The following ZNF257 variants were observed in gnomAD, a reference collection of about 807,000 sequenced individuals.
ZNF257 encodes the protein zinc finger protein 257, also known as bone marrow zinc finger 4.
Under a neutral mutation model 11.9 loss-of-function variants are expected in ZNF257, and 12 were observed. The observed-to-expected ratio is 1.01, with a 90% CI of 0.65 to 1.63. ZNF257 has a LOEUF of 1.63. Ranked by LOEUF, ZNF257 falls within the 40% of genes most tolerant of loss-of-function variation. The pLI, the probability that ZNF257 is intolerant of heterozygous loss-of-function variation, is 0.00. For missense variants in ZNF257, 580 were observed against 665.5 expected, an observed-to-expected ratio of 0.87 and a Z score of 1.41; for synonymous variants, 183 against 222.7, an observed-to-expected ratio of 0.82 and a Z score of 1.59.
Position 22,072,979 on chromosome 19 carries a change from CTTTA to C in ZNF257, c.130+48_130+51del. The C allele has an allele frequency of 2.0e-6, 3 of 1,474,454 alleles. No individual in the cohort carries two copies. In the African/African-American group the frequency reaches 5.4e-5, roughly 26 times the overall value. 91.3% of individuals were successfully genotyped at this position (1,474,454 alleles called of 1,614,324 possible). ...CTCAATTCCTAATATACTCCAAAGGCTTTATTTTTTATTTATTTTTTTTTTTGTA... is the reference window on the plus strand; with the variant it reads ...CTCAATTCCTAATATACTCCAAAGGCTTTTTTATTTATTTTTTTTTTTGTA... On this transcript the variant is annotated intron_variant, in intron 2 of 3. Transcript: ENST00000594947.
At chr19:22,058,900 G>GTT (rs150247642) in intron 1 of ZNF257, among the ~76,000 whole-genome samples, 164 of 150,722 alleles carry the variant, frequency 1.1e-3, no homozygotes, top group East Asian at 5.9e-4. Context: ...TTATCCTAAT[G>GTT]TTTTTTTTTG....
At chr19:22,062,662 A>G (rs982574987) in intron 1 of ZNF257, among the ~76,000 whole-genome samples, 1 of 151,684 alleles carries the variant, frequency 6.6e-6, no homozygotes, top group Admixed American at 6.6e-5. Flanking sequence ...TTGTATTTTT[A>G]GTAGAGATGG....
chr19:22,062,623 C>CA (rs1389679207), intron 1 of ZNF257, among the ~76,000 whole-genome samples: 1 of 151,958 alleles, frequency 6.6e-6, no homozygotes, highest in African/African-American at 2.4e-5. Context: ...GCTGGGATTA[C>CA]AGGCATGCGC....
In ZNF257 at chr19:22,089,705, A is replaced by G. The variant is rs2022585214; in HGVS notation, c.*263A>G. 1.3e-6 allele frequency: 1 copy of G among 777,958 alleles called. No individual in the cohort carries two copies. The highest frequency in any genetic ancestry group is 1.9e-6 in the Non-Finnish European group (1 of 537,972). The allele number at this position is 777,958 out of a possible 1,614,324, so 48.2% of individuals were successfully genotyped here. ...AGAACACATGTGGAAGATAAAGCCT[A>G]CAAATATGAAGAATGTGACAAGGCC... On this transcript the variant is annotated 3_prime_UTR_variant, in exon 4 of 4. Transcript: ENST00000594947.
chr19:22,057,487 G>T (rs2021675355), intron 1 of ZNF257, among the ~76,000 whole-genome samples: 1 of 149,172 alleles, frequency 6.7e-6, no homozygotes, highest in African/African-American at 2.5e-5. Flanking sequence ...ACAGGCAGAT[G>T]CAGTTAAGGT....
intron 3 of ZNF257, among the ~76,000 whole-genome samples, chr19:22,086,712 AT>A (rs1414382668): frequency 2.0e-5 from 3 of 151,172 alleles, no homozygotes; most frequent in South Asian, 2.1e-4. Context: ...ACCTGACAGC[AT>A]TTTTTCTTCA....
At chr19:22,079,030 G>T (rs576498744) in intron 3 of ZNF257, among the ~76,000 whole-genome samples, 13 of 152,216 alleles carry the variant, frequency 8.5e-5, no homozygotes, top group African/African-American at 3.1e-4. Context: ...GACCTCAGGT[G>T]ATCTACCTGC....
At chr19:22,052,710 G>A (rs1971731470) in intron 1 of ZNF257, 75 bp downstream of exon 1, 8 of 1,566,562 alleles carry the variant, frequency 5.1e-6, no homozygotes, top group Admixed American at 5.1e-5. Context: ...GCTGTGGCGG[G>A]ACTCAGGCCT....
chr19:22,073,526 G>A lies in ZNF257; in HGVS notation c.188G>A (p.Cys63Tyr). The change falls in exon 3 of 4, where the codon TGT (cysteine) becomes TAT (tyrosine). Residue 63 changes from cysteine to tyrosine, a missense_variant. Coordinates refer to ENST00000594947, the MANE Select transcript of ZNF257 (RefSeq NM_033468.4). ...ITCLEQGKEP[C>Y]NMKRHEMVAK... ...TGTCTGGAGCAAGGAAAAGAGCCCT[G>A]TAATATGAAGAGACATGAGATGGTA... The A allele has an allele frequency of 6.2e-7, 1 of 1,612,252 alleles. No individual in the cohort carries two copies. The highest frequency in any genetic ancestry group is 8.5e-7 in the Non-Finnish European group (1 of 1,179,180).
At chr19:22,065,336 A>G (rs889943530) in intron 1 of ZNF257, among the ~76,000 whole-genome samples, 1 of 151,856 alleles carries the variant, frequency 6.6e-6, no homozygotes, top group African/African-American at 2.4e-5. Flanking sequence ...AGTAGCTGGG[A>G]TTACAAGCAC....
rs147115194 is a variant in ZNF257 at position 22,078,531 on chromosome 19, C to T, written c.226+4967C>T. On this transcript the variant is annotated intron_variant, in intron 3 of 3. Transcript: ENST00000594947. ...ACACATTTTTTATGAGGCATTGTCA[C>T]TCTATTGAATATTTTATTTGAGTGC... Among the ~76,000 whole-genome samples the T allele has an allele frequency of 7.5e-3, 1,138 of 152,024 alleles. 12 individuals are homozygous for T. Among genetic ancestry groups the T allele is most frequent in the African/African-American group, 0.026 (1,067 of 41,460 alleles).
intron 1 of ZNF257, 65 bp downstream of exon 1, chr19:22,052,700 G>A: frequency 6.3e-7 from 1 of 1,581,750 alleles, no homozygotes; most frequent in Non-Finnish European, 8.6e-7. Flanking sequence ...GTGGGAAGTC[G>A]CTGTGGCGGG....
At chr19:22,071,824 T>C (rs1437900401) in intron 1 of ZNF257, among the ~76,000 whole-genome samples, 2 of 152,206 alleles carry the variant, frequency 1.3e-5, no homozygotes, top group Middle Eastern at 3.4e-3. Context: ...TTAAAAAAGA[T>C]GGAAAACTTG....
intron 3 of ZNF257, among the ~76,000 whole-genome samples, chr19:22,074,823 A>T (rs7258080): frequency 0.66 from 99,851 of 151,968 alleles, 33,707 homozygotes; most frequent in South Asian, 0.83. Context: ...GTTTTCTATA[A>T]AAAAGATGTA....
intron 1 of ZNF257, among the ~76,000 whole-genome samples, chr19:22,055,705 G>A (rs1317453621): frequency 6.6e-6 from 1 of 152,072 alleles, no homozygotes; most frequent in African/African-American, 2.4e-5. Flanking sequence ...GGCCTTACTT[G>A]ACATATGAGT....
At position 22,063,001 on chromosome 19, in the gene ZNF257, T is replaced by C. The variant is rs190136490; in HGVS notation, c.4-9808T>C. On this transcript the variant is annotated intron_variant, in intron 1 of 3. Transcript: ENST00000594947. Reference sequence around the variant, plus strand: ...AACTTTTTGGATGGTAGGCTATATATTACTAATCCAATTTTGGAGCTTGTT... The same window carrying C: ...AACTTTTTGGATGGTAGGCTATATACTACTAATCCAATTTTGGAGCTTGTT... 3.9e-3 allele frequency among the ~76,000 whole-genome samples: 592 copies of C among 152,336 alleles called. 2 individuals carry two copies. Among genetic ancestry groups the C allele is most frequent in the Non-Finnish European group, 5.8e-3 (392 of 68,038 alleles).
chr19:22,073,139 T>A (rs1245179739), intron 2 of ZNF257, among the ~76,000 whole-genome samples: 1 of 152,128 alleles, frequency 6.6e-6, no homozygotes. Flanking sequence ...AGGTTTCACC[T>A]TGAACTGAAC....
At chr19:22,076,121 G>C (rs2145706835) in intron 3 of ZNF257, among the ~76,000 whole-genome samples, 1 of 152,090 alleles carries the variant, frequency 6.6e-6, no homozygotes, top group South Asian at 2.1e-4. Flanking sequence ...TACTAATATA[G>C]TTACTTACAA....
At chr19:22,069,907 G>C (rs939457956) in intron 1 of ZNF257, among the ~76,000 whole-genome samples, 3 of 152,100 alleles carry the variant, frequency 2.0e-5, no homozygotes, top group Non-Finnish European at 2.9e-5. Flanking sequence ...AAGTACCCCA[G>C]TGGCACAGAG....
Sources: allele counts gnomAD v4.1 joint callset (sites outside exome capture counted in the v4.1 genomes callset), GRCh38; gene constraint gnomAD v4.1.1; transcripts MANE v1.5; gene names NCBI Gene and HGNC (gene_info 2026-07-23, HGNC 2026-07-21).